Variants in DSP observed in about 807,000 individuals in gnomAD.
DSP encodes desmoplakin.
In DSP, 114 loss-of-function variants were observed where a neutral mutation model predicts 290.6. That is an observed-to-expected ratio of 0.39 (90% confidence interval 0.34 to 0.46). The LOEUF is 0.46. Ranked by LOEUF, DSP falls within the 20% of genes least tolerant of loss-of-function variation. DSP has a pLI of 0.99. For synonymous variants in DSP, 1,311 were observed against 1,316.4 expected, an observed-to-expected ratio of 1.00 and a Z score of 0.09; for missense variants, 3,230 against 3,495.8, an observed-to-expected ratio of 0.92 and a Z score of 1.92.
chr6:7,580,623 A>G lies in DSP; in HGVS notation c.4433A>G (p.Asp1478Gly), dbSNP rs767339003. The G allele has an allele frequency of 1.5e-5, 24 of 1,614,056 alleles. No individual in the cohort carries two copies. Among genetic ancestry groups the G allele is most frequent in the Non-Finnish European group, 1.9e-5 (23 of 1,180,054 alleles). ...GATGATGCTGCCAAAACCATCCAGG[A>G]TAAAAACAAGGAGATAGAAAGGTTA... is the stretch of plus-strand genomic sequence containing the variant. ...SLDDAAKTIQDKNKEIERLKQ... is the reference protein window; with the variant it reads ...SLDDAAKTIQGKNKEIERLKQ... Residue 1478 changes from aspartate (D) to glycine (G), a missense_variant, in exon 23 of 24, where the codon GAT becomes GGT. By Grantham distance (94) the Asp-to-Gly change is moderately conservative. Transcript: ENST00000379802. The surrounding 1 kb of genome is among the most constrained non-coding windows in gnomAD (Gnocchi z 4.2).
chr6:7,584,194 C>T lies in DSP; in HGVS notation c.6932C>T (p.Pro2311Leu), dbSNP rs768947332. Residue 2311 changes from proline (P) to leucine (L), a missense_variant, in exon 24 of 24, where the codon CCA becomes CTA. Coordinates refer to ENST00000379802, the MANE Select transcript of DSP (RefSeq NM_004415.4). This position sits in a 1 kb window ranked among gnomAD's most constrained non-coding sequence, Gnocchi z 6.4. The part of the protein sequence containing the change: ...IVDPVSNLRL[P>L]VEEAYKRGLV... ...GATCCTGTTAGCAACTTGAGGTTAC[C>T]AGTGGAGGAAGCCTACAAGAGAGGT... is the stretch of plus-strand genomic sequence containing the variant. 2 of 1,614,136 alleles carry T rather than the reference C, an allele frequency of 1.2e-6. No homozygotes were observed. Among genetic ancestry groups the T allele is most frequent in the Admixed American group, 3.3e-5 (2 of 60,006 alleles).
At position 7,565,733 on chromosome 6, in the gene DSP, A is replaced by C; in HGVS notation, c.939+213A>C. Reference sequence around the variant, plus strand: ...AACTTATGCGGGAACAGAAAACCAAATACCACATGTTCTCACTTAGGAGTG... The same window carrying C: ...AACTTATGCGGGAACAGAAAACCAACTACCACATGTTCTCACTTAGGAGTG... On this transcript the variant is annotated intron_variant, in intron 7 of 23. Transcript: ENST00000379802. This position sits in a 1 kb window ranked among gnomAD's most constrained non-coding sequence, Gnocchi z 4.2. 1 of 585,378 alleles carries C rather than the reference A, an allele frequency of 1.7e-6. No homozygotes were observed. Among genetic ancestry groups the C allele is most frequent in the Non-Finnish European group, 3.0e-6 (1 of 331,364 alleles). 36.3% of individuals were successfully genotyped at this position (585,378 alleles called of 1,614,324 possible).
chr6:7,547,909 T>C (rs186041614), intron 1 of DSP, among the ~76,000 whole-genome samples: 3 of 152,272 alleles, frequency 2.0e-5, no homozygotes, highest in Admixed American at 1.3e-4. Context: ...TTTTTTCTTA[T>C]CACCCCGCCT....
At chr6:7,558,401 A>G (rs2113658103) in intron 3 of DSP, 137 bp downstream of exon 3, 1 of 1,227,844 alleles carries the variant, frequency 8.1e-7, no homozygotes, top group Non-Finnish European at 1.1e-6. Context: ...CTTACTTGGT[A>G]TTTTGCAACT....
At chr6:7,566,524 C>T (rs1245548415) in intron 8 of DSP, 43 bp downstream of exon 8, 3 of 1,430,384 alleles carry the variant, frequency 2.1e-6, no homozygotes, top group South Asian at 1.2e-5. Flanking sequence ...AAAAAAAAAA[C>T]TTTTCATAAA....
Position 7,565,899 on chromosome 6 carries a change from T to C in DSP, c.939+379T>C, listed in dbSNP as rs368661891. The C allele has an allele frequency of 3.4e-5, 12 of 348,114 alleles. 1 individual carries two copies. Among genetic ancestry groups the C allele is most frequent in the African/African-American group, 2.3e-4 (11 of 47,494 alleles). The allele number at this position is 348,114 out of a possible 1,614,324, so 21.6% of individuals were successfully genotyped here. ...GGGTACTAGGCTTAATCGTGGGTGA[T>C]GAAATAACCTGTACAACAAATCCCT... On this transcript the variant is annotated intron_variant, in intron 7 of 23. Coordinates refer to ENST00000379802, the MANE Select transcript of DSP (RefSeq NM_004415.4). This position sits in a 1 kb window ranked among gnomAD's most constrained non-coding sequence, Gnocchi z 4.2.
At chr6:7,542,504 G>T (rs1249057635) in intron 1 of DSP, among the ~76,000 whole-genome samples, 3 of 152,188 alleles carry the variant, frequency 2.0e-5, no homozygotes, top group Admixed American at 2.0e-4. Flanking sequence ...GCGGGGCCCC[G>T]GTCCTGTCTG....
At chr6:7,563,647 A>G in intron 5 of DSP, 89 bp from the exon 6 acceptor site, 2 of 1,019,170 alleles carry the variant, frequency 2.0e-6, no homozygotes, top group Non-Finnish European at 3.1e-6. Context: ...TGAGGCCAGT[A>G]TCTGAAGAAA....
At chr6:7,560,266 G>A (rs1488864424) in intron 4 of DSP, among the ~76,000 whole-genome samples, 3 of 152,150 alleles carry the variant, frequency 2.0e-5, no homozygotes, top group Non-Finnish European at 4.4e-5. Context: ...ATTCAGCAGT[G>A]GTTCTAAAAT....
chr6:7,575,532 TG>T lies in DSP; in HGVS notation c.2630+46del, dbSNP rs1759214445. ...GCTCCTTCCCCATCTTCTCCCCTTT[TG>T]GTTGTTCACAAGATAATGTCACTTG... On this transcript the variant is annotated intron_variant, in intron 18 of 23. Transcript: ENST00000379802. The T allele has an allele frequency of 1.9e-6, 3 of 1,611,408 alleles. No homozygotes were observed. In the African/African-American group the frequency reaches 4.0e-5, roughly 22 times the overall value.
At chr6:7,566,320 G>T (rs915684294) in intron 7 of DSP, 57 bp from the exon 8 acceptor site, 121 of 1,359,208 alleles carry the variant, frequency 8.9e-5, no homozygotes, top group Non-Finnish European at 1.3e-4. Flanking sequence ...TACTGTGGGG[G>T]TGATGGAAGT....
chr6:7,543,128 G>A (rs1758062855), intron 1 of DSP, among the ~76,000 whole-genome samples: 1 of 152,148 alleles, frequency 6.6e-6, no homozygotes, highest in Non-Finnish European at 1.5e-5. Flanking sequence ...AGATGCCCAC[G>A]TGAGCCGTGC....
intron 20 of DSP, among the ~76,000 whole-genome samples, chr6:7,577,274 G>A (rs1270472901): frequency 6.6e-6 from 1 of 152,196 alleles, no homozygotes; most frequent in African/African-American, 2.4e-5. Flanking sequence ...GGTAGGTGCT[G>A]CATTCTCCAT....
At position 7,582,229 on chromosome 6, in the gene DSP, ATTT is replaced by A. The variant is rs1759462621; in HGVS notation, c.5380-411_5380-409del. Among the ~76,000 whole-genome samples, 1 of 81,144 alleles carries A rather than the reference ATTT, an allele frequency of 1.2e-5. No homozygotes were observed. Among genetic ancestry groups the A allele is most frequent in the African/African-American group, 5.9e-5 (1 of 17,092 alleles). 53.2% of individuals were successfully genotyped at this position (81,144 alleles called of 152,430 possible). On this transcript the variant is annotated intron_variant, in intron 23 of 23. Coordinates refer to ENST00000379802, the MANE Select transcript of DSP (RefSeq NM_004415.4). The surrounding 1 kb of genome is among the most constrained non-coding windows in gnomAD (Gnocchi z 4.2). The stretch of plus-strand genomic sequence containing the variant: ...TAATATATATTTATCTATAATATAT[ATTT>A]TATATAATATATATCTTCATATATT...
chr6:7,559,644 C>T (rs1385500217), intron 4 of DSP, among the ~76,000 whole-genome samples: 1 of 152,174 alleles, frequency 6.6e-6, no homozygotes, highest in Non-Finnish European at 1.5e-5. Context: ...TCACACAGGT[C>T]ATATTTAACA....
chr6:7,574,276 C>T, intron 16 of DSP, 24 bp downstream of exon 16: 1 of 1,610,484 alleles, frequency 6.2e-7, no homozygotes, highest in Non-Finnish European at 8.5e-7. Context: ...ACACTAATCT[C>T]ATATTTTCCT....
At position 7,549,565 on chromosome 6, in the gene DSP, G is replaced by A. The variant is rs74760310; in HGVS notation, c.171-6153G>A. Among the ~76,000 whole-genome samples the A allele has an allele frequency of 6.2e-3, 945 of 152,300 alleles. 7 individuals are homozygous for A. The highest frequency in any genetic ancestry group is 0.013 in the Admixed American group (192 of 15,306). On this transcript the variant is annotated intron_variant, in intron 1 of 23. Coordinates refer to ENST00000379802, the MANE Select transcript of DSP (RefSeq NM_004415.4). ...AAATAGTATATGTGAAAAATGCTTT[G>A]AAAATTATAAAGAGCTAAGCAAATA...
chr6:7,556,403 G>A (rs1561679712), intron 2 of DSP, among the ~76,000 whole-genome samples: 2 of 152,176 alleles, frequency 1.3e-5, no homozygotes, highest in African/African-American at 2.4e-5. Flanking sequence ...GGTATTTGCT[G>A]TGTGAAGTCT....
intron 1 of DSP, among the ~76,000 whole-genome samples, chr6:7,550,808 T>TA (rs1440247916): frequency 1.3e-5 from 2 of 151,020 alleles, no homozygotes; most frequent in Admixed American, 6.6e-5. Context: ...TTTTTTTTTT[T>TA]AAAAAAGCAC....
Sources: allele counts gnomAD v4.1 joint callset (sites outside exome capture counted in the v4.1 genomes callset), GRCh38; gene constraint gnomAD v4.1.1; non-coding constraint Gnocchi (gnomAD v3.1); transcripts MANE v1.5; gene names NCBI Gene and HGNC (gene_info 2026-07-23, HGNC 2026-07-21).